The following TENM4 variants were observed in gnomAD, a reference collection of about 807,000 sequenced individuals.
The protein encoded by TENM4 is teneurin transmembrane protein 4.
Under a neutral mutation model 243.3 loss-of-function variants are expected in TENM4, and 82 were observed. The ratio of observed to expected loss-of-function variants is 0.34; its 90% CI spans 0.28 to 0.40. The LOEUF (loss-of-function observed/expected upper bound fraction) is 0.40, where lower values mean the gene tolerates loss of function less well. Among genes scored for constraint, TENM4 ranks in the 10% least tolerant of loss-of-function variants. The pLI is 1.00. For synonymous variants in TENM4, 1,412 were observed against 1,456.3 expected (o/e 0.97, Z 0.69); for missense variants, 3,138 against 3,673.3 (o/e 0.85, Z 3.77).
At position 78,903,836 on chromosome 11, in the gene TENM4, T is replaced by G. The variant is rs572498077; in HGVS notation, c.494-313A>C. 271 of 630,590 alleles carry G rather than the reference T, an allele frequency of 4.3e-4. 4 individuals carry two copies. Among genetic ancestry groups the G allele is most frequent in the South Asian group, 3.9e-3 (261 of 66,130 alleles). 39.1% of individuals were successfully genotyped at this position (630,590 alleles called of 1,614,324 possible). A position where few individuals can be genotyped will look rare whatever the true frequency, so the allele number is the denominator to read the frequency against. On this transcript the variant is annotated intron_variant, in intron 6 of 33. Transcript: ENST00000278550. ...TCAGCAACTTCACATTGTTTCATGC[T>G]TTTAGGACGTGGTTTTTAAAGTGTG...
intron 32 of TENM4, 26 bp downstream of exon 32, chr11:78,668,910 TG>T: frequency 6.3e-7 from 1 of 1,595,918 alleles, no homozygotes; most frequent in Non-Finnish European, 8.6e-7. Flanking sequence ...TATGGGGTCC[TG>T]CCCCTGAGTG....
chr11:78,661,350 G>A (rs1276386407), intron 33 of TENM4, 99 bp downstream of exon 33: 15 of 1,451,984 alleles, frequency 1.0e-5, no homozygotes, highest in Non-Finnish European at 1.4e-5. Flanking sequence ...GCACCACATT[G>A]GTGTCTATCA....
intron 22 of TENM4, among the ~76,000 whole-genome samples, chr11:78,727,992 G>A (rs763362411): frequency 1.3e-5 from 2 of 152,240 alleles, no homozygotes; most frequent in African/African-American, 4.8e-5. Flanking sequence ...ATGGCCTTGA[G>A]TTCCTTAAGC....
chr11:78,704,498 T>C (rs757415040), intron 27 of TENM4, among the ~76,000 whole-genome samples: 2 of 152,110 alleles, frequency 1.3e-5, no homozygotes, highest in Non-Finnish European at 2.9e-5. Context: ...TGCTCATAAA[T>C]TGGAATACTG....
chr11:79,400,104 CACACA>C (rs1858427614), intron 1 of TENM4, among the ~76,000 whole-genome samples: 3 of 27,416 alleles, frequency 1.1e-4, no homozygotes, highest in Non-Finnish European at 2.3e-4. Flanking sequence ...ACACACCACA[CACACA>C]CACACACACA....
intron 15 of TENM4, among the ~76,000 whole-genome samples, chr11:78,801,900 G>T (rs917055054): frequency 6.6e-6 from 1 of 152,222 alleles, no homozygotes; most frequent in Non-Finnish European, 1.5e-5. Context: ...TCTAGGGTGT[G>T]AGCTGTGCCA....
intron 6 of TENM4, chr11:78,924,754 A>G (rs1022427160): frequency 4.6e-5 from 7 of 152,218 alleles, no homozygotes; most frequent in African/African-American, 9.7e-5. Context: ...CAACTGTAAG[A>G]AAAAAACAGC....
chr11:78,790,009 T>C (rs925491541), intron 15 of TENM4, among the ~76,000 whole-genome samples: 1 of 152,138 alleles, frequency 6.6e-6, no homozygotes, highest in Admixed American at 6.5e-5. Flanking sequence ...ACCTTATATA[T>C]AGTAGGTATC....
At chr11:78,905,707 G>A (rs1175196906) in intron 6 of TENM4, among the ~76,000 whole-genome samples, 1 of 152,220 alleles carries the variant, frequency 6.6e-6, no homozygotes, top group Non-Finnish European at 1.5e-5. Context: ...CTGAAGATAT[G>A]CAGTTCTGTA....
In TENM4 at chr11:78,854,249, C is replaced by G; in HGVS notation, c.1536G>C (p.Gly512=). 1 of 1,547,594 alleles carries G rather than the reference C, an allele frequency of 6.5e-7. No homozygotes were observed. Among genetic ancestry groups the G allele is most frequent in the Non-Finnish European group, 8.7e-7 (1 of 1,144,542 alleles). Residue 512 remains glycine (G), a synonymous_variant, in exon 12 of 34, where the codon GGG becomes GGC. Coordinates refer to ENST00000278550, the MANE Select transcript of TENM4 (RefSeq NM_001098816.3). ...LLTQEARSLE[G]TPRQSRGTVP... The stretch of plus-strand genomic sequence containing the variant: ...CAGTTCCCCGAGACTGGCGCGGGGT[C>G]CCCTCTAGGCTCCGCGCCTCCTGGG...
At chr11:79,177,871 C>T (rs899790133) in intron 3 of TENM4, among the ~76,000 whole-genome samples, 27 of 151,966 alleles carry the variant, frequency 1.8e-4, no homozygotes, top group Non-Finnish European at 3.5e-4. Flanking sequence ...TGTGTAGAGC[C>T]CCATGGGACA....
intron 2 of TENM4, among the ~76,000 whole-genome samples, chr11:79,250,538 T>C (rs1215856957): frequency 1.3e-5 from 2 of 152,264 alleles, no homozygotes; most frequent in African/African-American, 2.4e-5. Context: ...CACTGTTCTA[T>C]GCACCTTTTT....
rs184903984 is a variant in TENM4 at position 79,186,502 on chromosome 11, A to T, written c.-163+29306T>A. 6.7e-4 allele frequency among the ~76,000 whole-genome samples: 102 copies of T among 152,236 alleles called. 1 individual carries two copies. Among genetic ancestry groups the T allele is most frequent in the Admixed American group, 2.5e-3 (38 of 15,286 alleles). On this transcript the variant is annotated intron_variant, in intron 3 of 33. Transcript: ENST00000278550. ...TAGATGAGGCTGAGAAAGGTAAATG[A>T]CATGCAAAACAAAACAGCTAGTCAG...
chr11:79,196,752 A>T (rs542195403), intron 3 of TENM4, among the ~76,000 whole-genome samples: 1 of 152,174 alleles, frequency 6.6e-6, no homozygotes, highest in Non-Finnish European at 1.5e-5. Context: ...CTCATCAAAC[A>T]GAACATTCTA....
At chr11:78,771,937 G>A (rs1254482454) in intron 17 of TENM4, among the ~76,000 whole-genome samples, 1 of 152,140 alleles carries the variant, frequency 6.6e-6, no homozygotes, top group East Asian at 1.9e-4. Flanking sequence ...TAGCACTGGA[G>A]GTACAGAAAT....
chr11:78,967,448 A>G (rs1206482901), intron 6 of TENM4, among the ~76,000 whole-genome samples: 2 of 152,198 alleles, frequency 1.3e-5, no homozygotes, highest in African/African-American at 4.8e-5. Flanking sequence ...TTAATTGGGG[A>G]GTCATGGAAA....
intron 3 of TENM4, among the ~76,000 whole-genome samples, chr11:79,201,735 T>C (rs1404403145): frequency 1.3e-5 from 2 of 152,098 alleles, no homozygotes; most frequent in East Asian, 3.9e-4. Flanking sequence ...GTGGGGCAAG[T>C]GGCTGAAAGC....
chr11:78,831,100 G>A (rs527929769), intron 12 of TENM4, among the ~76,000 whole-genome samples: 1 of 152,316 alleles, frequency 6.6e-6, no homozygotes, highest in African/African-American at 2.4e-5. Flanking sequence ...GAAGTGAAAT[G>A]ACTTGCAGAT....
chr11:79,236,403 G>T (rs1386822554), intron 2 of TENM4, among the ~76,000 whole-genome samples: 1 of 152,154 alleles, frequency 6.6e-6, no homozygotes, highest in South Asian at 2.1e-4. Context: ...TTACGCTGAT[G>T]CCCTTTGTGA....
Sources: gnomAD v4.1 joint callset for allele counts (sites outside exome capture counted in the v4.1 genomes callset) on GRCh38, gnomAD v4.1.1 for gene constraint, MANE v1.5 for transcripts, NCBI Gene and HGNC (gene_info 2026-07-23, HGNC 2026-07-21) for gene names.